The following PARD3B variants were observed in gnomAD, a reference collection of about 807,000 sequenced individuals.
PARD3B encodes partitioning defective 3 homolog B.
In PARD3B, 103 loss-of-function variants were observed where a neutral mutation model predicts 130.2. The ratio of observed to expected loss-of-function variants is 0.79; its 90% confidence interval spans 0.67 to 0.93. The LOEUF (loss-of-function observed/expected upper bound fraction) is 0.93, where lower values mean the gene tolerates loss of function less well. Among genes scored for constraint, PARD3B ranks in the 40% least tolerant of loss-of-function variants. The pLI, the probability that PARD3B is intolerant of heterozygous loss-of-function variation, is 0.00. For synonymous variants in PARD3B, 583 were observed against 553.2 expected (o/e 1.05, Z -0.76); for missense variants, 1,609 against 1,499.2 (o/e 1.07, Z -1.21).
rs1268733722 is a variant in PARD3B at position 204,737,572 on chromosome 2, CTT to C, written c.222+51294_222+51295del. On this transcript the variant is annotated intron_variant, in intron 2 of 22. Coordinates refer to ENST00000406610, the MANE Select transcript of PARD3B (RefSeq NM_001302769.2). ...TATTGTTTCTTTTGCTGTGTGGAAGCTTTTTAGCTTAATTTGGTTCCATTTAT... is the reference window on the plus strand; with the variant it reads ...TATTGTTTCTTTTGCTGTGTGGAAGCTTTAGCTTAATTTGGTTCCATTTAT... Among the ~76,000 whole-genome samples, 4 of 152,194 alleles carry C rather than the reference CTT, an allele frequency of 2.6e-5. 1 individual carries two copies. Among genetic ancestry groups the C allele is most frequent in the African/African-American group, 9.6e-5 (4 of 41,530 alleles).
chr2:204,715,368 G>T (rs2038668415), intron 2 of PARD3B, among the ~76,000 whole-genome samples: 1 of 152,014 alleles, frequency 6.6e-6, no homozygotes, highest in Non-Finnish European at 1.5e-5. Flanking sequence ...TTTGTAGTGG[G>T]TGGATTCTTT....
intron 16 of PARD3B, among the ~76,000 whole-genome samples, chr2:205,282,726 G>T (rs1389353250): frequency 2.0e-5 from 3 of 152,104 alleles, no homozygotes; most frequent in Non-Finnish European, 4.4e-5. Context: ...CTAAGTCATT[G>T]TCTGGTCTTC....
chr2:204,843,812 C>T lies in PARD3B; in HGVS notation c.223-121340C>T, dbSNP rs78730160. Among the ~76,000 whole-genome samples, 1,854 of 152,212 alleles carry T rather than the reference C, an allele frequency of 0.012. 59 individuals are homozygous for T. The East Asian group carries it at 0.15, about 12-fold the overall frequency. On this transcript the variant is annotated intron_variant, in intron 2 of 22. Coordinates refer to ENST00000406610, the MANE Select transcript of PARD3B (RefSeq NM_001302769.2). The stretch of plus-strand genomic sequence containing the variant: ...AACATACTTTTGTACTTGTTCTCAA[C>T]GTGTCTTTATTTCCTCTTCTTTTTC...
chr2:205,185,417 A>G (rs1301876125), intron 13 of PARD3B, among the ~76,000 whole-genome samples: 1 of 152,220 alleles, frequency 6.6e-6, no homozygotes, highest in African/African-American at 2.4e-5. Flanking sequence ...GTTTACAAAA[A>G]TATTAAGGCA....
chr2:204,858,996 T>TAA lies in PARD3B; in HGVS notation c.223-106153_223-106152dup, dbSNP rs2045073595. Among the ~76,000 whole-genome samples, 15 of 151,898 alleles carry TAA rather than the reference T, an allele frequency of 9.9e-5. No homozygotes were observed. The South Asian group carries it at 3.1e-3, about 31-fold the overall frequency. On this transcript the variant is annotated intron_variant, in intron 2 of 22. Coordinates refer to ENST00000406610, the MANE Select transcript of PARD3B (RefSeq NM_001302769.2). ...GTTTGTCTAAGTATTTGAGGAAAAG[T>TAA]AAAAGTTTTTAAGAACTTTATTATT...
intron 21 of PARD3B, among the ~76,000 whole-genome samples, chr2:205,502,232 G>A (rs2050184238): frequency 6.6e-6 from 1 of 152,156 alleles, no homozygotes; most frequent in Admixed American, 6.5e-5. Context: ...AGAGATCTAG[G>A]AAAGCAAGTT....
chr2:204,931,977 C>T (rs997131983), intron 2 of PARD3B, among the ~76,000 whole-genome samples: 5 of 152,028 alleles, frequency 3.3e-5, no homozygotes, highest in African/African-American at 1.2e-4. Context: ...ATTCTTAAGA[C>T]ATTTGATACT....
intron 2 of PARD3B, among the ~76,000 whole-genome samples, chr2:204,784,479 A>C (rs1574974988): frequency 6.6e-6 from 1 of 152,224 alleles, no homozygotes; most frequent in East Asian, 1.9e-4. Context: ...AATAGTATAC[A>C]GAATAGTACT....
intron 3 of PARD3B, among the ~76,000 whole-genome samples, chr2:205,046,990 G>C (rs1698830481): frequency 6.6e-6 from 1 of 152,146 alleles, no homozygotes; most frequent in African/African-American, 2.4e-5. Context: ...AAGAAATCAG[G>C]ATATATTTTT....
chr2:204,961,469 G>A (rs1690741431), intron 2 of PARD3B, among the ~76,000 whole-genome samples: 1 of 152,162 alleles, frequency 6.6e-6, no homozygotes. Context: ...AAGAGCTATG[G>A]AAAGAGCTTT....
At chr2:204,774,872 CA>C (rs890642925) in intron 2 of PARD3B, among the ~76,000 whole-genome samples, 3 of 151,978 alleles carry the variant, frequency 2.0e-5, no homozygotes, top group African/African-American at 7.3e-5. Flanking sequence ...GGAGTAAGGG[CA>C]AAAAAGTGTG....
At chr2:205,003,428 A>T (rs974996672) in intron 3 of PARD3B, among the ~76,000 whole-genome samples, 1 of 152,062 alleles carries the variant, frequency 6.6e-6, no homozygotes, top group Non-Finnish European at 1.5e-5. Context: ...CTAGCCTGTT[A>T]CTTCTCTGAC....
Position 204,664,245 on chromosome 2 carries a change from A to G in PARD3B, c.121-21936A>G, listed in dbSNP as rs566162412. On this transcript the variant is annotated intron_variant, in intron 1 of 22. Transcript: ENST00000406610. The surrounding 1 kb of genome is among the most constrained non-coding windows in gnomAD (Gnocchi z 5.2). The stretch of plus-strand genomic sequence containing the variant: ...GACAAGGCAGAAAATATTTGGGGTG[A>G]TAAGATTGAATATGGAATAGAGCAT... 6.6e-6 allele frequency among the ~76,000 whole-genome samples: 1 copy of G among 152,306 alleles called. No homozygotes were observed. Among genetic ancestry groups the G allele is most frequent in the African/African-American group, 2.4e-5 (1 of 41,578 alleles).
chr2:205,414,080 A>G (rs890810403), intron 19 of PARD3B, among the ~76,000 whole-genome samples: 9 of 152,172 alleles, frequency 5.9e-5, no homozygotes, highest in African/African-American at 1.9e-4. Context: ...GGGGGCAGGC[A>G]TAAAAAACTA....
In PARD3B at chr2:204,565,538, C is replaced by T. The variant is rs1244065529; in HGVS notation, c.120+19419C>T. ...TCATTATATAATATCAAAAACTACG[C>T]ATATTAACATTACTATCAATTTCAT... On this transcript the variant is annotated intron_variant, in intron 1 of 22. Transcript: ENST00000406610. 2.6e-5 allele frequency among the ~76,000 whole-genome samples: 4 copies of T among 152,124 alleles called. No individual in the cohort carries two copies. The East Asian group carries it at 7.7e-4, about 29-fold the overall frequency.
chr2:205,365,545 C>A (rs1437920686), intron 18 of PARD3B, among the ~76,000 whole-genome samples: 1 of 29,016 alleles, frequency 3.4e-5, no homozygotes, highest in African/African-American at 1.9e-4. Flanking sequence ...TCCACCCAAC[C>A]TTCCTTTTTT....
At chr2:205,608,296 C>A (rs1220092214) in intron 22 of PARD3B, among the ~76,000 whole-genome samples, 1 of 152,080 alleles carries the variant, frequency 6.6e-6, no homozygotes, top group Non-Finnish European at 1.5e-5. Flanking sequence ...CCATTGTCTG[C>A]TACATGATTA....
In PARD3B at chr2:205,176,578, G is replaced by GT. The variant is rs1161580009; in HGVS notation, c.1924+2dup. 2 of 1,600,236 alleles carry GT rather than the reference G, an allele frequency of 1.2e-6. No homozygotes were observed. The highest frequency in any genetic ancestry group is 1.7e-6 in the Non-Finnish European group (2 of 1,174,850). Reference sequence around the variant, plus strand: ...TGCAGTCCACAAGACAAACAGAAAGGTAAGAGTCTATTCATTTTATCCACT... The same window carrying GT: ...TGCAGTCCACAAGACAAACAGAAAGGTTAAGAGTCTATTCATTTTATCCACT... On this transcript the variant is annotated splice_donor_variant, in intron 13 of 22. Coordinates refer to ENST00000406610, the MANE Select transcript of PARD3B (RefSeq NM_001302769.2). LOFTEE classifies it high-confidence loss of function. The surrounding 1 kb of genome is among the most constrained non-coding windows in gnomAD (Gnocchi z 5.3).
rs867445407 is a variant in PARD3B, at chr2:205,269,946, G to A, written c.2185+24124G>A. On this transcript the variant is annotated intron_variant, in intron 16 of 22. Coordinates refer to ENST00000406610, the MANE Select transcript of PARD3B (RefSeq NM_001302769.2). This position sits in a 1 kb window ranked among gnomAD's most constrained non-coding sequence, Gnocchi z 4.7. The stretch of plus-strand genomic sequence containing the variant: ...CAAATAATAACTGAAGATTTTAAGG[G>A]ACAACTTCAGACAATAATACCTAAA... Among the ~76,000 whole-genome samples, 2 of 152,148 alleles carry A rather than the reference G, an allele frequency of 1.3e-5. No individual in the cohort carries two copies. Among genetic ancestry groups the A allele is most frequent in the African/African-American group, 4.8e-5 (2 of 41,516 alleles).
Sources: allele counts gnomAD v4.1 joint callset (sites outside exome capture counted in the v4.1 genomes callset), GRCh38; gene constraint gnomAD v4.1.1; non-coding constraint Gnocchi (gnomAD v3.1); transcripts MANE v1.5; gene names NCBI Gene and HGNC (gene_info 2026-07-23, HGNC 2026-07-21).